CRIM1: variants seen among roughly 807,000 people sequenced by gnomAD.
The protein encoded by CRIM1 is cysteine-rich motor neuron 1 protein.
In CRIM1, 32 loss-of-function variants were observed where a neutral mutation model predicts 116.4. The ratio of observed to expected loss-of-function variants is 0.27; its 90% CI spans 0.21 to 0.37. The LOEUF is 0.37. Ranked by LOEUF, CRIM1 falls within the 10% of genes least tolerant of loss-of-function variation. CRIM1 has a pLI of 1.00. For missense variants in CRIM1, 1,331 were observed against 1,354.8 expected (o/e 0.98, Z 0.28); for synonymous variants, 590 against 509.2 (o/e 1.16, Z -2.13).
chr2:36,453,243 T>A (rs1195935703), intron 4 of CRIM1, among the ~76,000 whole-genome samples: 1 of 152,254 alleles, frequency 6.6e-6, no homozygotes, highest in Non-Finnish European at 1.5e-5. Context: ...TAGAGACAGC[T>A]GGTTTCTCTT....
chr2:36,477,104 A>AGC, intron 6 of CRIM1, 33 bp downstream of exon 6: 1 of 1,529,964 alleles, frequency 6.5e-7, no homozygotes, highest in Non-Finnish European at 8.9e-7. Flanking sequence ...GATTAACAGG[A>AGC]GCATACATGG....
rs1294525750 is a variant in CRIM1 at position 36,550,034 on chromosome 2, AGTATGTATGT to A, written c.*1336_*1345del. The A allele has an allele frequency of 6.8e-6, 1 of 147,824 alleles. No individual in the cohort carries two copies. Among genetic ancestry groups the A allele is most frequent in the Non-Finnish European group, 1.5e-5 (1 of 67,378 alleles). The allele number at this position is 147,824 out of a possible 1,614,324, so 9.2% of individuals were successfully genotyped here. ...TTAATTGGAAAGATGTGTGTGTGAG[AGTATGTATGT>A]GTGTGTGTGTGTGTGTGTGTGTGCG... On this transcript the variant is annotated 3_prime_UTR_variant, in exon 17 of 17. Coordinates refer to ENST00000280527, the MANE Select transcript of CRIM1 (RefSeq NM_016441.3).
At chr2:36,544,890 C>T (rs970020599) in intron 15 of CRIM1, among the ~76,000 whole-genome samples, 2 of 152,166 alleles carry the variant, frequency 1.3e-5, no homozygotes, top group African/African-American at 4.8e-5. Flanking sequence ...CCGCACTGAG[C>T]ATTTGTACAT....
intron 7 of CRIM1, among the ~76,000 whole-genome samples, chr2:36,498,309 G>A (rs4670563): frequency 0.59 from 88,970 of 151,888 alleles, 26,916 homozygotes; most frequent in South Asian, 0.71. Flanking sequence ...GACTGCCTGG[G>A]TTTGAATCTT....
chr2:36,472,740 C>G (rs1678630595), intron 5 of CRIM1, among the ~76,000 whole-genome samples: 1 of 152,074 alleles, frequency 6.6e-6, no homozygotes. Flanking sequence ...CATGGATGTT[C>G]ATTTTGTTAG....
intron 2 of CRIM1, among the ~76,000 whole-genome samples, chr2:36,401,073 C>T (rs750993492): frequency 2.0e-5 from 3 of 152,120 alleles, no homozygotes; most frequent in South Asian, 2.1e-4. Flanking sequence ...AAAATGAATT[C>T]GAAATGTTGC....
chr2:36,392,106 AGT>A (rs1671658976), intron 1 of CRIM1, among the ~76,000 whole-genome samples: 1 of 152,204 alleles, frequency 6.6e-6, no homozygotes, highest in South Asian at 2.1e-4. Context: ...CATGAGAAAA[AGT>A]GTTATATTTC....
intron 1 of CRIM1, among the ~76,000 whole-genome samples, chr2:36,379,742 C>CTTTTTTTTT (rs760969263): frequency 2.8e-5 from 3 of 106,362 alleles, no homozygotes; most frequent in Non-Finnish European, 3.7e-5. Context: ...TTCTTTCTCT[C>CTTTTTTTTT]TTTTTTTTTT....
intron 1 of CRIM1, among the ~76,000 whole-genome samples, chr2:36,394,421 A>T (rs1319926000): frequency 2.0e-5 from 3 of 152,152 alleles, no homozygotes; most frequent in Admixed American, 2.0e-4. Flanking sequence ...TTGGATGCAC[A>T]TTTTGTTATA....
intron 1 of CRIM1, among the ~76,000 whole-genome samples, chr2:36,393,810 C>G (rs12466450): frequency 6.6e-6 from 1 of 152,054 alleles, no homozygotes; most frequent in Non-Finnish European, 1.5e-5. Context: ...GTAAGAGCCT[C>G]AAGTGTGCCT....
intron 4 of CRIM1, among the ~76,000 whole-genome samples, chr2:36,459,151 G>A (rs190116078): frequency 5.6e-4 from 85 of 152,100 alleles, no homozygotes; most frequent in Middle Eastern, 6.8e-3. Flanking sequence ...GCGCATCTAG[G>A]CACAAAGTTC....
chr2:36,476,446 C>G (rs1678982177), intron 5 of CRIM1, among the ~76,000 whole-genome samples: 1 of 152,110 alleles, frequency 6.6e-6, no homozygotes, highest in South Asian at 2.1e-4. Context: ...AGAGAGAGCA[C>G]TGGGGGAACA....
chr2:36,425,143 G>C (rs1674356706), intron 2 of CRIM1, among the ~76,000 whole-genome samples: 2 of 152,206 alleles, frequency 1.3e-5, no homozygotes, highest in African/African-American at 4.8e-5. Context: ...AGTTTGTGGA[G>C]GTGAGGGACT....
intron 7 of CRIM1, among the ~76,000 whole-genome samples, chr2:36,483,882 T>C (rs890161635): frequency 1.3e-5 from 2 of 152,186 alleles, no homozygotes; most frequent in African/African-American, 4.8e-5. Context: ...CTGATGGCCA[T>C]TGGGACCCCT....
At chr2:36,408,272 G>T (rs1672959848) in intron 2 of CRIM1, among the ~76,000 whole-genome samples, 1 of 152,208 alleles carries the variant, frequency 6.6e-6, no homozygotes, top group Non-Finnish European at 1.5e-5. Flanking sequence ...ACTGACCTTA[G>T]CAGGGTGACA....
At chr2:36,412,654 C>G (rs1334131173) in intron 2 of CRIM1, among the ~76,000 whole-genome samples, 1 of 152,040 alleles carries the variant, frequency 6.6e-6, no homozygotes, top group East Asian at 1.9e-4. Context: ...ATATTTAAAA[C>G]AAATGAATTT....
At chr2:36,537,703 C>T (rs1037854482) in intron 14 of CRIM1, among the ~76,000 whole-genome samples, 157 bp downstream of exon 14, 1 of 152,252 alleles carries the variant, frequency 6.6e-6, no homozygotes, top group Non-Finnish European at 1.5e-5. Context: ...CTATGGGTAA[C>T]TTGGAAAACT....
In CRIM1 at chr2:36,496,407, G is replaced by T. The variant is rs529120275; in HGVS notation, c.1373-2812G>T. Among the ~76,000 whole-genome samples, 3 of 152,100 alleles carry T rather than the reference G, an allele frequency of 2.0e-5. No homozygotes were observed. In the East Asian group the frequency reaches 5.8e-4, roughly 29 times the overall value. ...TTCTGTGTTTAATGTTAAATATTGA[G>T]GGTATAAAAATTTGAAATGGCTGTA... On this transcript the variant is annotated intron_variant, in intron 7 of 16. Coordinates refer to ENST00000280527, the MANE Select transcript of CRIM1 (RefSeq NM_016441.3).
chr2:36,451,616 C>T (rs545073187), intron 4 of CRIM1, among the ~76,000 whole-genome samples: 2 of 152,274 alleles, frequency 1.3e-5, no homozygotes, highest in South Asian at 4.1e-4. Flanking sequence ...GCTCTGTGTG[C>T]TCAAATGCTT....
Sources: allele counts gnomAD v4.1 joint callset (sites outside exome capture counted in the v4.1 genomes callset), GRCh38; gene constraint gnomAD v4.1.1; transcripts MANE v1.5; gene names NCBI Gene and HGNC (gene_info 2026-07-23, HGNC 2026-07-21).